TTC12: variants seen among roughly 807,000 people sequenced by gnomAD.
TTC12 encodes tetratricopeptide repeat protein 12.
A neutral mutation model predicts 90.1 loss-of-function variants in TTC12; 70 were observed. The observed-to-expected ratio is 0.78, with a 90% CI of 0.64 to 0.95. The LOEUF (loss-of-function observed/expected upper bound fraction) is 0.95, where lower values mean the gene tolerates loss of function less well. Ranked by LOEUF, TTC12 falls within the 40% of genes least tolerant of loss-of-function variation. The pLI, the probability that TTC12 is intolerant of heterozygous loss-of-function variation, is 0.00. For missense variants in TTC12, 819 were observed against 846.1 expected (o/e 0.97, Z 0.40); for synonymous variants, 296 against 311.5 (o/e 0.95, Z 0.53).
At chr11:113,362,528 C>T (rs782491604) in intron 19 of TTC12, 26 bp downstream of exon 19, 1 of 1,456,358 alleles carries the variant, frequency 6.9e-7, no homozygotes, top group Admixed American at 1.7e-5. Context: ...TGGTTACAAC[C>T]CCTGAAATGT....
At chr11:113,338,855 G>C (rs782248659) in intron 9 of TTC12, 21 bp downstream of exon 9, 12 of 1,611,554 alleles carry the variant, frequency 7.4e-6, no homozygotes, top group African/African-American at 1.3e-5. Flanking sequence ...TCCTGCTGAG[G>C]TCCTTCATCT....
chr11:113,330,063 G>A (rs7929499), intron 7 of TTC12, 84 bp downstream of exon 7: 2 of 1,067,580 alleles, frequency 1.9e-6, no homozygotes, highest in Non-Finnish European at 2.9e-6. Flanking sequence ...GATAGGAAAG[G>A]GTATAGCCTC....
chr11:113,360,029 T>C (rs1555154208), intron 18 of TTC12, 21 bp downstream of exon 18: 1 of 1,537,712 alleles, frequency 6.5e-7, no homozygotes, highest in Admixed American at 1.9e-5. Context: ...CCCAGGGAAA[T>C]CCAGAAGCAG....
At chr11:113,368,075 C>A (rs1484146813), downstream of TTC12, 1 of 840,964 alleles carries the variant, frequency 1.2e-6, no homozygotes, top group East Asian at 6.2e-5. Context: ...GCCCCGCCTT[C>A]CCCTGCTATG....
At chr11:113,336,077 A>C (rs2155462) in intron 8 of TTC12, among the ~76,000 whole-genome samples, 50,485 of 152,018 alleles carry the variant, frequency 0.33, 10,912 homozygotes, top group Non-Finnish European at 0.48. Flanking sequence ...CATCCTCTTC[A>C]ATACTTGTTA....
intron 20 of TTC12, among the ~76,000 whole-genome samples, 155 bp downstream of exon 20, chr11:113,364,082 T>A (rs1950081890): frequency 6.6e-6 from 1 of 152,234 alleles, no homozygotes; most frequent in African/African-American, 2.4e-5. Context: ...CACATCCAGA[T>A]CTGAAAGCAT....
At chr11:113,343,335 A>G (rs142258730) in intron 12 of TTC12, among the ~76,000 whole-genome samples, 365 of 152,386 alleles carry the variant, frequency 2.4e-3, no homozygotes, top group Non-Finnish European at 3.5e-3. Context: ...AACAAAATAT[A>G]TAATCAACAA....
chr11:113,355,294 C>T (rs976100290), intron 16 of TTC12, among the ~76,000 whole-genome samples: 1 of 152,106 alleles, frequency 6.6e-6, no homozygotes, highest in African/African-American at 2.4e-5. Flanking sequence ...TCTGTGGGGT[C>T]AGTGGTGATA....
At chr11:113,326,594 CAT>C (rs1429994335) in intron 6 of TTC12, among the ~76,000 whole-genome samples, 1 of 152,162 alleles carries the variant, frequency 6.6e-6, no homozygotes, top group Non-Finnish European at 1.5e-5. Flanking sequence ...GAAGCCGAAA[CAT>C]ATGGGGAGTG....
rs372614676 is a variant in TTC12, at chr11:113,356,539, C to T, written c.1447-2824C>T. Among the ~76,000 whole-genome samples the T allele has an allele frequency of 5.9e-5, 9 of 152,284 alleles. No individual in the cohort carries two copies. The East Asian group carries it at 1.7e-3, about 29-fold the overall frequency. ...TTTATGTGGTTGCTTTATAGTAATG[C>T]TGGTCTGTGTACTTCAGTGTGTGTT... is the stretch of plus-strand genomic sequence containing the variant. On this transcript the variant is annotated intron_variant, in intron 16 of 21. Transcript: ENST00000529221.
chr11:113,363,822 A>G lies in TTC12; in HGVS notation c.1717-6A>G. 1 of 1,597,294 alleles carries G rather than the reference A, an allele frequency of 6.3e-7. No homozygotes were observed. The highest frequency in any genetic ancestry group is 8.6e-7 in the Non-Finnish European group (1 of 1,166,920). ...TTTATTTTTCTAATTTCATTCTGAAATCTAGACAGGAGGTGAGACTGCATC... is the reference window on the plus strand; with the variant it reads ...TTTATTTTTCTAATTTCATTCTGAAGTCTAGACAGGAGGTGAGACTGCATC... On this transcript the variant is annotated splice_region_variant and splice_polypyrimidine_tract_variant and intron_variant, in intron 19 of 21. Transcript: ENST00000529221.
chr11:113,338,381 C>T (rs1235990135), intron 8 of TTC12, among the ~76,000 whole-genome samples: 1 of 152,132 alleles, frequency 6.6e-6, no homozygotes, highest in Non-Finnish European at 1.5e-5. Flanking sequence ...TCAACATTGC[C>T]TCTAGCTTCA....
intron 13 of TTC12, among the ~76,000 whole-genome samples, chr11:113,347,947 C>A (rs1486284793): frequency 2.6e-5 from 4 of 152,192 alleles, no homozygotes; most frequent in Non-Finnish European, 5.9e-5. Flanking sequence ...TGTCAGGACA[C>A]CATCCTTCCT....
chr11:113,319,588 G>A (rs1361574165), intron 2 of TTC12, among the ~76,000 whole-genome samples: 5 of 151,352 alleles, frequency 3.3e-5, no homozygotes, highest in African/African-American at 9.7e-5. Flanking sequence ...ATCAAAACCC[G>A]CAAAGTAGTA....
At chr11:113,360,177 T>C (rs370413827) in intron 18 of TTC12, among the ~76,000 whole-genome samples, 169 bp downstream of exon 18, 15 of 152,172 alleles carry the variant, frequency 9.9e-5, no homozygotes, top group African/African-American at 3.6e-4. Flanking sequence ...CACAAGCACA[T>C]AAATACCAGG....
intron 1 of TTC12, chr11:113,315,223 ACTCGTCGCGTGCCTGGTG>A (rs45534433): frequency 0.14 from 21,979 of 151,982 alleles, 1,907 homozygotes; most frequent in South Asian, 0.23. Context: ...CACGGTGAGG[ACTCGTCGCGTGCCTGGTG>A]CTTTACATCA....
intron 16 of TTC12, among the ~76,000 whole-genome samples, chr11:113,353,464 T>C (rs782728672): frequency 5.2e-4 from 79 of 152,230 alleles, no homozygotes; most frequent in Non-Finnish European, 8.1e-4. Context: ...AGAAGCTCTT[T>C]AATTAGATCT....
downstream of TTC12, among the ~76,000 whole-genome samples, chr11:113,366,717 T>C (rs142721612): frequency 3.1e-3 from 476 of 152,354 alleles, 5 homozygotes; most frequent in African/African-American, 0.011. Flanking sequence ...GCTCCGTTTT[T>C]CCAGCTGTGG....
intron 13 of TTC12, among the ~76,000 whole-genome samples, chr11:113,347,576 G>A (rs1949040113): frequency 6.6e-6 from 1 of 152,124 alleles, no homozygotes; most frequent in Non-Finnish European, 1.5e-5. Flanking sequence ...TGCACAAGTT[G>A]CCTGCCCCGT....
Sources: allele counts gnomAD v4.1 joint callset (sites outside exome capture counted in the v4.1 genomes callset), GRCh38; gene constraint gnomAD v4.1.1; transcripts MANE v1.5; gene names NCBI Gene and HGNC (gene_info 2026-07-23, HGNC 2026-07-21).